CNTN5: variants seen among roughly 807,000 people sequenced by gnomAD.
CNTN5 encodes the protein contactin 5, also known as contactin-5.
In CNTN5, 77 loss-of-function variants were observed where a neutral mutation model predicts 129.1. The observed-to-expected ratio is 0.60, with a 90% CI of 0.50 to 0.72. CNTN5 has a LOEUF of 0.72. Ranked by LOEUF, CNTN5 falls within the 30% of genes least tolerant of loss-of-function variation. The probability of loss-of-function intolerance (pLI) is 0.00; values close to 1 mark genes in which losing one functional copy is unlikely to be tolerated. For synonymous variants in CNTN5, 509 were observed against 465.6 expected, an observed-to-expected ratio of 1.09 and a Z score of -1.20; for missense variants, 1,478 against 1,328.8, an observed-to-expected ratio of 1.11 and a Z score of -1.75.
chr11:100,126,809 T>A (rs915985864), intron 13 of CNTN5, among the ~76,000 whole-genome samples: 8 of 152,122 alleles, frequency 5.3e-5, no homozygotes, highest in Admixed American at 5.2e-4. Context: ...TGTAAGCTTT[T>A]AATCTTATTG....
At chr11:99,180,145 T>C (rs1264481416) in intron 1 of CNTN5, among the ~76,000 whole-genome samples, 1 of 152,130 alleles carries the variant, frequency 6.6e-6, no homozygotes, top group African/African-American at 2.4e-5. Flanking sequence ...TAAATGGCAA[T>C]GCAGATGTAA....
chr11:100,199,595 C>T (rs1948726470), intron 15 of CNTN5, among the ~76,000 whole-genome samples: 2 of 151,854 alleles, frequency 1.3e-5, no homozygotes, highest in South Asian at 2.1e-4. Context: ...CAGACTATCC[C>T]AGAAAAGTGC....
At chr11:99,161,758 A>C (rs1860621543) in intron 1 of CNTN5, among the ~76,000 whole-genome samples, 1 of 152,214 alleles carries the variant, frequency 6.6e-6, no homozygotes, top group African/African-American at 2.4e-5. Context: ...CTGACTAAAA[A>C]GTCAGAAACC....
chr11:99,711,150 C>T (rs955980609), intron 3 of CNTN5, among the ~76,000 whole-genome samples: 2 of 151,760 alleles, frequency 1.3e-5, no homozygotes, highest in African/African-American at 4.8e-5. Context: ...ACAAAAAAAT[C>T]CCTGATTTTA....
chr11:99,860,716 GAAGTC>G (rs1441598421), intron 6 of CNTN5, among the ~76,000 whole-genome samples: 1 of 152,090 alleles, frequency 6.6e-6, no homozygotes, highest in African/African-American at 2.4e-5. Context: ...AGTGTAGTTT[GAAGTC>G]AAGTACTGTG....
In CNTN5 at chr11:99,652,508, C is replaced by G. The variant is rs551289874; in HGVS notation, c.55+96239C>G. On this transcript the variant is annotated intron_variant, in intron 3 of 24. Transcript: ENST00000524871. ...CTGTGTCCACCGGAAAGCGGTATTACGAAGTACATCTCACGATCCTGTCAA... is the reference window on the plus strand; with the variant it reads ...CTGTGTCCACCGGAAAGCGGTATTAGGAAGTACATCTCACGATCCTGTCAA... 9.9e-5 allele frequency among the ~76,000 whole-genome samples: 15 copies of G among 151,956 alleles called. No individual in the cohort carries two copies. The South Asian group carries it at 1.5e-3, about 15-fold the overall frequency.
intron 6 of CNTN5, among the ~76,000 whole-genome samples, chr11:99,903,592 T>C (rs1008241517): frequency 1.3e-5 from 2 of 151,808 alleles, no homozygotes; most frequent in Admixed American, 6.6e-5. Context: ...CTAAGTAGAG[T>C]CTAGTGGAGG....
At chr11:99,052,450 T>C (rs769437421) in intron 1 of CNTN5, among the ~76,000 whole-genome samples, 7 of 151,904 alleles carry the variant, frequency 4.6e-5, no homozygotes, top group Non-Finnish European at 7.4e-5. Context: ...GTCTACAGTA[T>C]TCGGTACAGT....
intron 3 of CNTN5, among the ~76,000 whole-genome samples, chr11:99,621,063 C>T (rs1196708126): frequency 6.6e-6 from 1 of 151,920 alleles, no homozygotes; most frequent in Admixed American, 6.6e-5. Flanking sequence ...GCATGGAGTA[C>T]GGCGTCTGTG....
chr11:99,287,768 A>T (rs1864002238), intron 1 of CNTN5, among the ~76,000 whole-genome samples: 1 of 152,040 alleles, frequency 6.6e-6, no homozygotes, highest in Non-Finnish European at 1.5e-5. Context: ...TTTTCAAAAA[A>T]AAGTATTCTA....
At chr11:100,117,073 T>C (rs1443630110) in intron 13 of CNTN5, among the ~76,000 whole-genome samples, 2 of 151,930 alleles carry the variant, frequency 1.3e-5, no homozygotes, top group Non-Finnish European at 2.9e-5. Context: ...AGTTAAAAAA[T>C]AAAATAAAAA....
At chr11:100,145,262 C>T (rs1214715548) in intron 13 of CNTN5, among the ~76,000 whole-genome samples, 5 of 152,100 alleles carry the variant, frequency 3.3e-5, no homozygotes, top group East Asian at 1.9e-4. Flanking sequence ...TAGCTACTGT[C>T]GTTACCATTC....
At chr11:99,969,434 C>A (rs1951188473) in intron 8 of CNTN5, among the ~76,000 whole-genome samples, 1 of 152,070 alleles carries the variant, frequency 6.6e-6, no homozygotes, top group South Asian at 2.1e-4. Context: ...AAGATATATT[C>A]ACTTACGTTT....
chr11:100,175,588 T>C (rs1300986871), intron 13 of CNTN5, among the ~76,000 whole-genome samples: 1 of 152,002 alleles, frequency 6.6e-6, no homozygotes, highest in Non-Finnish European at 1.5e-5. Context: ...AGACAAAAAG[T>C]GAAGGAGGTT....
At chr11:100,335,767 CA>C (rs61237596) in intron 21 of CNTN5, among the ~76,000 whole-genome samples, 55 of 141,366 alleles carry the variant, frequency 3.9e-4, no homozygotes, top group Middle Eastern at 3.6e-3. Context: ...GACTCCATCT[CA>C]AAAAAAAAAA....
At chr11:99,256,639 A>G (rs1316788659) in intron 1 of CNTN5, among the ~76,000 whole-genome samples, 1 of 152,032 alleles carries the variant, frequency 6.6e-6, no homozygotes, top group East Asian at 1.9e-4. Context: ...TAATTTATCA[A>G]AAATATATTT....
intron 6 of CNTN5, among the ~76,000 whole-genome samples, chr11:99,889,297 T>A (rs1948984525): frequency 1.2e-4 from 1 of 8,344 alleles, no homozygotes; most frequent in Non-Finnish European, 3.0e-4. Flanking sequence ...AGCAGGTGTG[T>A]GTGTGTGTGT....
chr11:100,336,667 T>G (rs1952044353), intron 21 of CNTN5, among the ~76,000 whole-genome samples: 1 of 152,166 alleles, frequency 6.6e-6, no homozygotes, highest in Admixed American at 6.5e-5. Context: ...ACAAACTAAA[T>G]AAAGAGAAGT....
intron 3 of CNTN5, among the ~76,000 whole-genome samples, chr11:99,724,717 A>G (rs962911606): frequency 6.6e-6 from 1 of 152,170 alleles, no homozygotes; most frequent in Admixed American, 6.6e-5. Context: ...CACCATAAAT[A>G]TTGGTTGAAT....
Sources: allele counts gnomAD v4.1 joint callset (sites outside exome capture counted in the v4.1 genomes callset), GRCh38; gene constraint gnomAD v4.1.1; transcripts MANE v1.5; gene names NCBI Gene and HGNC (gene_info 2026-07-23, HGNC 2026-07-21).